THRB: variants seen among roughly 807,000 people sequenced by gnomAD.
THRB encodes the protein thyroid hormone receptor beta, also known as nuclear receptor subfamily 1 group A member 2.
Under a neutral mutation model 47.8 loss-of-function variants are expected in THRB, and 12 were observed. That is an observed-to-expected ratio of 0.25 (90% CI 0.16 to 0.41). The LOEUF is 0.41. Among genes scored for constraint, THRB ranks in the 10% least tolerant of loss-of-function variants. THRB has a pLI of 1.00. For missense variants in THRB, 348 were observed against 589.2 expected (o/e 0.59, Z 4.24); for synonymous variants, 218 against 212.2 (o/e 1.03, Z -0.24).
intron 1 of THRB, among the ~76,000 whole-genome samples, chr3:24,466,004 C>T (rs933868653): frequency 6.6e-6 from 1 of 151,988 alleles, no homozygotes. Flanking sequence ...GAGTCTTTAC[C>T]TCCATGTCCA....
chr3:24,199,389 T>G (rs1435072540), intron 4 of THRB, among the ~76,000 whole-genome samples: 2 of 152,262 alleles, frequency 1.3e-5, no homozygotes, highest in Admixed American at 1.3e-4. Context: ...ACCTGCCTAT[T>G]AATTTTCTCT....
Position 24,119,055 on chromosome 3 carries a change from T to G in THRB, c.*3829A>C, listed in dbSNP as rs980314103. 1 of 143,146 alleles carries G rather than the reference T, an allele frequency of 7.0e-6. No homozygotes were observed. The highest frequency in any genetic ancestry group is 1.5e-5 in the Non-Finnish European group (1 of 67,188). 8.9% of individuals were successfully genotyped at this position (143,146 alleles called of 1,614,324 possible). ...AAAGATTAAAGTAAAATGTCTCAAT[T>G]GTAAAAAATACACACCGGGCAAATC... On this transcript the variant is annotated 3_prime_UTR_variant, in exon 11 of 11. Transcript: ENST00000646209.
At chr3:24,424,172 C>A (rs1288818762) in intron 1 of THRB, among the ~76,000 whole-genome samples, 3 of 151,782 alleles carry the variant, frequency 2.0e-5, no homozygotes, top group African/African-American at 7.3e-5. Context: ...ATTTGGAATC[C>A]TTTCATTCCC....
intron 6 of THRB, among the ~76,000 whole-genome samples, chr3:24,148,418 C>A (rs189547388): frequency 1.3e-5 from 2 of 151,954 alleles, no homozygotes; most frequent in African/African-American, 4.8e-5. Flanking sequence ...TGAGCCACCA[C>A]GCCTGGCTAA....
intron 3 of THRB, among the ~76,000 whole-genome samples, chr3:24,283,530 G>C (rs2054867468): frequency 1.3e-5 from 2 of 150,880 alleles, no homozygotes; most frequent in Non-Finnish European, 2.9e-5. Context: ...GCACAAGACA[G>C]GGATGCCCTC....
intron 1 of THRB, among the ~76,000 whole-genome samples, chr3:24,377,137 G>C (rs918765112): frequency 6.6e-6 from 1 of 151,990 alleles, no homozygotes; most frequent in Non-Finnish European, 1.5e-5. Context: ...GTAGAGATGG[G>C]TCTTACTTTG....
chr3:24,237,197 A>ACCTCTTGG (rs2048962061), intron 3 of THRB, among the ~76,000 whole-genome samples: 1 of 152,234 alleles, frequency 6.6e-6, no homozygotes, highest in African/African-American at 2.4e-5. Context: ...GAAGGCAGTC[A>ACCTCTTGG]GAATTTCTCC....
intron 1 of THRB, among the ~76,000 whole-genome samples, chr3:24,368,170 T>C (rs1177907599): frequency 6.6e-6 from 1 of 152,192 alleles, no homozygotes; most frequent in Admixed American, 6.6e-5. Flanking sequence ...AAAAGAATTA[T>C]ATTCTGCCCT....
rs375733658 is a variant in THRB, at chr3:24,180,507, C to G, written c.283+9567G>C. Among the ~76,000 whole-genome samples the G allele has an allele frequency of 3.2e-4, 49 of 152,270 alleles. No homozygotes were observed. The South Asian group carries it at 9.7e-3, about 30-fold the overall frequency. On this transcript the variant is annotated intron_variant, in intron 5 of 10. Transcript: ENST00000646209. ...CCCATACTGACAAATGTCATGGGGACAGAGGTTCACAATATATAATAATCC... is the reference window on the plus strand; with the variant it reads ...CCCATACTGACAAATGTCATGGGGAGAGAGGTTCACAATATATAATAATCC...
intron 4 of THRB, among the ~76,000 whole-genome samples, chr3:24,216,339 C>T (rs1170241035): frequency 6.6e-6 from 1 of 152,202 alleles, no homozygotes; most frequent in African/African-American, 2.4e-5. Flanking sequence ...TGGCTGGGCG[C>T]AGTGGCCAGT....
chr3:24,276,471 G>C (rs2053925444), intron 3 of THRB, among the ~76,000 whole-genome samples: 2 of 152,172 alleles, frequency 1.3e-5, no homozygotes, highest in South Asian at 2.1e-4. Context: ...TTTTTACCTT[G>C]AAAAGAGTAC....
At chr3:24,375,779 T>C (rs181918008) in intron 1 of THRB, among the ~76,000 whole-genome samples, 2 of 151,814 alleles carry the variant, frequency 1.3e-5, no homozygotes, top group East Asian at 3.9e-4. Context: ...TGAGGTCTGC[T>C]GGAATTTGAT....
At chr3:24,169,669 A>AATTATAATAATATATATTATATATATAT (rs2040163069) in intron 5 of THRB, among the ~76,000 whole-genome samples, 1 of 147,990 alleles carries the variant, frequency 6.8e-6, no homozygotes, top group Non-Finnish European at 1.5e-5. Flanking sequence ...TATACATAAT[A>AATTATAATAATATATATTATATATATAT]ATTATAATAA....
At chr3:24,157,519 T>A (rs2038045337) in intron 5 of THRB, among the ~76,000 whole-genome samples, 1 of 152,128 alleles carries the variant, frequency 6.6e-6, no homozygotes, top group South Asian at 2.1e-4. Flanking sequence ...TATTTTTAAA[T>A]TACAATTTTT....
intron 1 of THRB, among the ~76,000 whole-genome samples, chr3:24,481,229 GTT>G (rs746323691): frequency 1.8e-3 from 99 of 55,362 alleles, no homozygotes; most frequent in South Asian, 2.2e-3. Flanking sequence ...GTTTCTTTCT[GTT>G]TTTTTTTTTT....
At chr3:24,325,684 G>A (rs1488192363) in intron 2 of THRB, among the ~76,000 whole-genome samples, 1 of 152,062 alleles carries the variant, frequency 6.6e-6, no homozygotes, top group Admixed American at 6.5e-5. Flanking sequence ...GAGAGACTCT[G>A]TCTAAAAAAA....
intron 1 of THRB, among the ~76,000 whole-genome samples, chr3:24,376,511 G>A (rs1450900946): frequency 6.6e-6 from 1 of 152,128 alleles, no homozygotes; most frequent in African/African-American, 2.4e-5. Context: ...AAAATCATAT[G>A]TGAGACCTAC....
chr3:24,487,363 C>A (rs1316917702), intron 1 of THRB, among the ~76,000 whole-genome samples: 1 of 152,074 alleles, frequency 6.6e-6, no homozygotes, highest in African/African-American at 2.4e-5. Flanking sequence ...CACACACACA[C>A]ACACACAAAT....
chr3:24,456,135 C>T (rs536487542), intron 1 of THRB, among the ~76,000 whole-genome samples: 2 of 152,056 alleles, frequency 1.3e-5, no homozygotes, highest in Middle Eastern at 3.4e-3. Flanking sequence ...TTGAGACCAG[C>T]CTGGGCAACA....
Sources: gnomAD v4.1 joint callset for allele counts (sites outside exome capture counted in the v4.1 genomes callset) on GRCh38, gnomAD v4.1.1 for gene constraint, MANE v1.5 for transcripts, NCBI Gene and HGNC (gene_info 2026-07-23, HGNC 2026-07-21) for gene names.